GLDC: variants seen among roughly 807,000 people sequenced by gnomAD.
GLDC encodes the protein glycine dehydrogenase (decarboxylating), mitochondrial.
GLDC carries 104 observed loss-of-function variants against 121.3 expected under a neutral mutation model. The observed-to-expected ratio is 0.86, with a 90% CI of 0.73 to 1.01. GLDC has a LOEUF of 1.01. Ranked by LOEUF, GLDC falls within the 50% of genes least tolerant of loss-of-function variation. The pLI, the probability that GLDC is intolerant of heterozygous loss-of-function variation, is 0.00. For synonymous variants in GLDC, 546 were observed against 480.6 expected, an observed-to-expected ratio of 1.14 and a Z score of -1.78; for missense variants, 1,429 against 1,306.6, an observed-to-expected ratio of 1.09 and a Z score of -1.44.
At chr9:6,618,122 G>C (rs1222919046) in intron 3 of GLDC, among the ~76,000 whole-genome samples, 4 of 152,148 alleles carry the variant, frequency 2.6e-5, no homozygotes, top group Non-Finnish European at 4.4e-5. Flanking sequence ...TGTCTGATTT[G>C]TTTCCATGCT....
At chr9:6,584,865 T>C (rs1818237697) in intron 15 of GLDC, among the ~76,000 whole-genome samples, 1 of 152,200 alleles carries the variant, frequency 6.6e-6, no homozygotes, top group Non-Finnish European at 1.5e-5. Flanking sequence ...TCTTACCCTC[T>C]GCAAGATTGG....
intron 11 of GLDC, 141 bp from the exon 12 acceptor site, chr9:6,589,433 T>C (rs1818334370): frequency 8.6e-6 from 3 of 349,146 alleles, no homozygotes; most frequent in East Asian, 5.8e-5. Context: ...ATTTATTTAT[T>C]TATTTAATAT....
chr9:6,563,381 G>C (rs552273522), intron 16 of GLDC, among the ~76,000 whole-genome samples: 2 of 152,296 alleles, frequency 1.3e-5, no homozygotes, highest in South Asian at 4.1e-4. Flanking sequence ...TGCTTTCTGC[G>C]GCCTCTCCGC....
At chr9:6,634,178 G>GATT (rs1263205258) in intron 2 of GLDC, among the ~76,000 whole-genome samples, 1 of 151,900 alleles carries the variant, frequency 6.6e-6, no homozygotes, top group Admixed American at 6.6e-5. Flanking sequence ...GGTAAGCCAG[G>GATT]ATTGCACCAC....
chr9:6,539,489 A>C (rs538527960), intron 22 of GLDC, among the ~76,000 whole-genome samples: 12 of 152,280 alleles, frequency 7.9e-5, no homozygotes, highest in Non-Finnish European at 1.6e-4. Context: ...CCCAACCCCC[A>C]AAAAAGTAAT....
Position 6,620,306 on chromosome 9 carries a change from G to C in GLDC, c.348C>G (p.Ile116Met). The change falls in exon 3 of 25, where the codon ATC becomes ATG. Residue 116 changes from isoleucine to methionine, a missense_variant. Ile to Met is a conservative substitution (Grantham distance 10). Coordinates refer to ENST00000321612, the MANE Select transcript of GLDC (RefSeq NM_000170.3). ...KMEDPVCENE[I>M]LATLHAISSK... is the part of the protein sequence containing the mutation. Reference sequence around the variant, plus strand: ...TTGAAATGGCATGCAGAGTTGCAAGGATTTCATTTTCACCTAATTGTGGGA... The same window carrying C: ...TTGAAATGGCATGCAGAGTTGCAAGCATTTCATTTTCACCTAATTGTGGGA... 1.9e-6 allele frequency: 3 copies of C among 1,613,510 alleles called. No individual in the cohort carries two copies. Among genetic ancestry groups the C allele is most frequent in the Middle Eastern group, 1.6e-4 (1 of 6,062 alleles).
chr9:6,608,702 C>T (rs1021409100), intron 4 of GLDC, among the ~76,000 whole-genome samples: 10 of 151,944 alleles, frequency 6.6e-5, no homozygotes, highest in African/African-American at 1.2e-4. Context: ...GCAGAGATCA[C>T]GCCACTGTAC....
chr9:6,613,632 T>A (rs1818906317), intron 3 of GLDC, among the ~76,000 whole-genome samples: 1 of 152,198 alleles, frequency 6.6e-6, no homozygotes, highest in Non-Finnish European at 1.5e-5. Flanking sequence ...TTCAGGTAAA[T>A]CTTGATTTAT....
intron 3 of GLDC, 138 bp downstream of exon 3, chr9:6,620,046 T>C (rs1819052665): frequency 1.2e-6 from 1 of 823,214 alleles, no homozygotes; most frequent in Non-Finnish European, 2.1e-6. Flanking sequence ...AGAAACCCGG[T>C]AGGTTCCCGG....
intron 23 of GLDC, among the ~76,000 whole-genome samples, chr9:6,535,171 T>C (rs1817098392): frequency 6.6e-6 from 1 of 152,194 alleles, no homozygotes; most frequent in South Asian, 2.1e-4. Flanking sequence ...AAACTGCATA[T>C]AGCATAATTT....
In GLDC at chr9:6,546,237, G is replaced by A. The variant is rs1027845038; in HGVS notation, c.2569+4566C>T. ...AGACAGTGTCTCACTCTGTCACCCA[G>A]GCTGGAGTGCAGTGGCACCATTACA... On this transcript the variant is annotated intron_variant, in intron 21 of 24. Coordinates refer to ENST00000321612, the MANE Select transcript of GLDC (RefSeq NM_000170.3). Among the ~76,000 whole-genome samples the A allele has an allele frequency of 2.0e-5, 3 of 151,906 alleles. No individual in the cohort carries two copies. The South Asian group carries it at 6.2e-4, about 32-fold the overall frequency.
rs150051933 is a variant in GLDC, at chr9:6,614,991, C to T, written c.471-4635G>A. ...ATACAGAATTACAATTTTATGAGAC[C>T]ACTGTCATATACACAATCTGTCACT... On this transcript the variant is annotated intron_variant, in intron 3 of 24. Transcript: ENST00000321612. Among the ~76,000 whole-genome samples the T allele has an allele frequency of 4.1e-4, 62 of 152,246 alleles. 1 individual carries two copies. The East Asian group carries it at 0.011, about 27-fold the overall frequency.
chr9:6,534,522 G>A (rs1817075635), intron 24 of GLDC, among the ~76,000 whole-genome samples, 186 bp downstream of exon 24: 2 of 152,276 alleles, frequency 1.3e-5, no homozygotes, highest in South Asian at 4.1e-4. Context: ...CCAGATCTGT[G>A]GTTGATACTG....
intron 14 of GLDC, among the ~76,000 whole-genome samples, chr9:6,588,163 C>T (rs1163124190): frequency 2.0e-5 from 3 of 151,822 alleles, no homozygotes; most frequent in African/African-American, 7.3e-5. Flanking sequence ...GCATAAATAC[C>T]ATATACATTT....
chr9:6,589,042 G>C (rs541397943), intron 12 of GLDC, among the ~76,000 whole-genome samples, 153 bp downstream of exon 12: 3 of 152,328 alleles, frequency 2.0e-5, no homozygotes, highest in Admixed American at 1.3e-4. Context: ...TCCCAAGTCA[G>C]GAACGGGATC....
In GLDC at chr9:6,598,671, T is replaced by C. The variant is rs555832522; in HGVS notation, c.1155+3438A>G. On this transcript the variant is annotated intron_variant, in intron 8 of 24. Transcript: ENST00000321612. ...AGAGTGAAACTGGAGTTATGAGTAA[T>C]TCTTGTATGCAATCAACTATGAAAA... Among the ~76,000 whole-genome samples, 10 of 152,352 alleles carry C rather than the reference T, an allele frequency of 6.6e-5. No individual in the cohort carries two copies. In the East Asian group the frequency reaches 1.5e-3, roughly 24 times the overall value.
intron 15 of GLDC, among the ~76,000 whole-genome samples, chr9:6,567,692 C>G (rs1275398907): frequency 6.6e-6 from 1 of 152,172 alleles, no homozygotes; most frequent in African/African-American, 2.4e-5. Context: ...AAGAAATAAT[C>G]CTCTACCTCC....
chr9:6,635,941 T>C (rs1992151641), intron 2 of GLDC, among the ~76,000 whole-genome samples: 1 of 152,056 alleles, frequency 6.6e-6, no homozygotes, highest in South Asian at 2.1e-4. Flanking sequence ...AATGAACAGA[T>C]GTTATACTAC....
intron 15 of GLDC, among the ~76,000 whole-genome samples, chr9:6,580,188 C>T (rs1236852679): frequency 6.6e-6 from 1 of 152,168 alleles, no homozygotes; most frequent in Non-Finnish European, 1.5e-5. Context: ...TCTTCAGGCC[C>T]CAAAGAACTC....
Sources: allele counts gnomAD v4.1 joint callset (sites outside exome capture counted in the v4.1 genomes callset), GRCh38; gene constraint gnomAD v4.1.1; transcripts MANE v1.5; gene names NCBI Gene and HGNC (gene_info 2026-07-23, HGNC 2026-07-21).